The following TBC1D15 variants were observed in gnomAD, a reference collection of about 807,000 sequenced individuals.
TBC1D15 encodes GAP for RAB7.
TBC1D15 carries 39 observed loss-of-function variants against 95.4 expected under a neutral mutation model. The observed-to-expected ratio is 0.41, with a 90% CI of 0.32 to 0.53. The LOEUF (loss-of-function observed/expected upper bound fraction) is 0.53. Among genes scored for constraint, TBC1D15 ranks in the 20% least tolerant of loss-of-function variants. The pLI is 0.29. For missense variants in TBC1D15, 733 were observed against 794.3 expected (o/e 0.92, Z 0.93); for synonymous variants, 258 against 261.3 (o/e 0.99, Z 0.12).
chr12:71,853,139 G>C (rs1888235917), intron 1 of TBC1D15, among the ~76,000 whole-genome samples: 1 of 152,160 alleles, frequency 6.6e-6, no homozygotes, highest in Admixed American at 6.5e-5. Context: ...GTTCTAGGGA[G>C]GACTCAGGAA....
chr12:71,883,132 C>CTT (rs142067669), intron 4 of TBC1D15, among the ~76,000 whole-genome samples: 4 of 146,242 alleles, frequency 2.7e-5, no homozygotes, highest in Admixed American at 6.8e-5. Context: ...TTCTTTTTTT[C>CTT]TTTTTTTTTT....
At chr12:71,852,874 A>G (rs1888170825) in intron 1 of TBC1D15, among the ~76,000 whole-genome samples, 1 of 152,036 alleles carries the variant, frequency 6.6e-6, no homozygotes, top group Non-Finnish European at 1.5e-5. Flanking sequence ...GGAAATTCCA[A>G]ACTTTCCCTC....
At chr12:71,872,777 TC>T (rs1892958233) in intron 2 of TBC1D15, 151 bp from the exon 3 acceptor site, 3 of 514,294 alleles carry the variant, frequency 5.8e-6, no homozygotes, top group Non-Finnish European at 6.7e-6. Context: ...ATTTGAAAAA[TC>T]TATGTAACAT....
intron 1 of TBC1D15, among the ~76,000 whole-genome samples, chr12:71,852,893 A>G (rs1386998155): frequency 2.0e-5 from 3 of 152,156 alleles, no homozygotes; most frequent in South Asian, 2.1e-4. Context: ...TCATCTTCCT[A>G]TCTTCTGAGC....
intron 1 of TBC1D15, among the ~76,000 whole-genome samples, chr12:71,852,068 C>T (rs1887964538): frequency 6.6e-6 from 1 of 152,266 alleles, no homozygotes; most frequent in Non-Finnish European, 1.5e-5. Flanking sequence ...TCCATACATC[C>T]TCTGAATTCT....
intron 1 of TBC1D15, among the ~76,000 whole-genome samples, chr12:71,844,271 TC>T (rs1885772692): frequency 6.6e-6 from 1 of 152,220 alleles, no homozygotes; most frequent in African/African-American, 2.4e-5. Context: ...TTGTCTGTCT[TC>T]AGGATAAATT....
chr12:71,849,246 C>T, intron 1 of TBC1D15: 1 of 639,278 alleles, frequency 1.6e-6, no homozygotes, highest in Non-Finnish European at 2.8e-6. Flanking sequence ...ATACTCCTGC[C>T]TGATCCAAGT....
At chr12:71,922,730 A>G (rs934149556) in intron 16 of TBC1D15, among the ~76,000 whole-genome samples, 1 of 152,292 alleles carries the variant, frequency 6.6e-6, no homozygotes, top group African/African-American at 2.4e-5. Context: ...AGGACATGCT[A>G]TGTTTGTGGG....
chr12:71,919,420 A>G (rs1385482842), intron 14 of TBC1D15, among the ~76,000 whole-genome samples: 1 of 152,122 alleles, frequency 6.6e-6, no homozygotes, highest in Non-Finnish European at 1.5e-5. Flanking sequence ...CTTCCAAGGA[A>G]AGAATTGGGA....
At chr12:71,902,797 A>C (rs976732759) in intron 10 of TBC1D15, among the ~76,000 whole-genome samples, 8 of 152,234 alleles carry the variant, frequency 5.3e-5, no homozygotes, top group African/African-American at 1.9e-4. Context: ...GACAAGCTAC[A>C]GAATGGGGAA....
chr12:71,842,843 A>G (rs1592676822), intron 1 of TBC1D15, among the ~76,000 whole-genome samples: 1 of 126,638 alleles, frequency 7.9e-6, no homozygotes. Context: ...AAAAAAAAAA[A>G]AAAAAAGAAA....
Position 71,861,315 on chromosome 12 carries a change from A to C in TBC1D15, c.31-10755A>C, listed in dbSNP as rs1890312388. On this transcript the variant is annotated intron_variant, in intron 1 of 16. Coordinates refer to ENST00000485960, the MANE Select transcript of TBC1D15 (RefSeq NM_001146213.3). ...TTCTCTAAATGTTTGGTAGAATTCC[A>C]CAGTGAAGCCATTGGGTTTTGGGCT... 5.8e-6 allele frequency: 3 copies of C among 514,570 alleles called. No individual in the cohort carries two copies. In the South Asian group the frequency reaches 1.9e-4, roughly 33 times the overall value. The allele number at this position is 514,570 out of a possible 1,614,324, so 31.9% of individuals were successfully genotyped here.
chr12:71,877,916 G>T (rs1176432238), intron 3 of TBC1D15, among the ~76,000 whole-genome samples: 3 of 152,056 alleles, frequency 2.0e-5, no homozygotes, highest in Non-Finnish European at 2.9e-5. Context: ...GTAGTGTGGG[G>T]CTCATATTTA....
intron 11 of TBC1D15, among the ~76,000 whole-genome samples, chr12:71,911,014 A>G (rs1423918899): frequency 1.7e-4 from 26 of 152,222 alleles, no homozygotes; most frequent in Non-Finnish European, 1.2e-4. Flanking sequence ...CAAAAAACAC[A>G]CGAAAAAATG....
At chr12:71,876,169 GT>G (rs1893772649) in intron 3 of TBC1D15, among the ~76,000 whole-genome samples, 4 of 152,130 alleles carry the variant, frequency 2.6e-5, no homozygotes, top group African/African-American at 7.2e-5. Flanking sequence ...GGTTTTAGAA[GT>G]TTTATTATGG....
At chr12:71,865,940 T>G (rs907512994) in intron 1 of TBC1D15, among the ~76,000 whole-genome samples, 10 of 152,020 alleles carry the variant, frequency 6.6e-5, no homozygotes, top group African/African-American at 2.4e-4. Context: ...GGTGTGTTAC[T>G]GCTCTGGGTG....
At chr12:71,913,712 C>G in intron 11 of TBC1D15, 114 bp from the exon 12 acceptor site, 1 of 670,790 alleles carries the variant, frequency 1.5e-6, no homozygotes, top group East Asian at 3.2e-5. Context: ...CTACCAATTT[C>G]TAAATGCAAA....
In TBC1D15 at chr12:71,896,699, A is replaced by C. The variant is rs1898257252; in HGVS notation, c.1007A>C (p.Lys336Thr). 1.2e-6 allele frequency: 2 copies of C among 1,613,044 alleles called. No homozygotes were observed. Among genetic ancestry groups the C allele is most frequent in the Non-Finnish European group, 1.7e-6 (2 of 1,179,354 alleles). The change falls in exon 9 of 17, where the codon AAG becomes ACG. Residue 336 changes from lysine (K) to threonine (T), a missense_variant. Physicochemically the swap from Lys to Thr is moderately conservative, Grantham distance 78. Transcript: ENST00000485960. Reference protein sequence around the residue: ...FRGGLSHALRKQAWKFLLGYF... With the variant: ...FRGGLSHALRTQAWKFLLGYF... Reference sequence around the variant, plus strand: ...CAGGGACTTAGTCATGCATTGAGAAAGCAAGCATGGAAATTTCTTCTGGGT... The same window carrying C: ...CAGGGACTTAGTCATGCATTGAGAACGCAAGCATGGAAATTTCTTCTGGGT...
chr12:71,904,726 G>A (rs902768713), intron 10 of TBC1D15, among the ~76,000 whole-genome samples: 1 of 152,162 alleles, frequency 6.6e-6, no homozygotes, highest in Admixed American at 6.5e-5. Context: ...TAGAATAGTG[G>A]GAACCTGTGA....
Sources: gnomAD v4.1 joint callset for allele counts (sites outside exome capture counted in the v4.1 genomes callset) on GRCh38, gnomAD v4.1.1 for gene constraint, MANE v1.5 for transcripts, NCBI Gene and HGNC (gene_info 2026-07-23, HGNC 2026-07-21) for gene names.